SHLD2: variants seen among roughly 807,000 people sequenced by gnomAD.
SHLD2 encodes the protein shieldin complex subunit 2, also known as RINN1-REV7-interacting novel NHEJ regulator 2.
Under a neutral mutation model 73.2 loss-of-function variants are expected in SHLD2, and 30 were observed. That is an observed-to-expected ratio of 0.41 (90% CI 0.31 to 0.56). The LOEUF (loss-of-function observed/expected upper bound fraction) is 0.56, where lower values mean the gene tolerates loss of function less well. Ranked by LOEUF, SHLD2 falls within the 20% of genes least tolerant of loss-of-function variation. The probability of loss-of-function intolerance (pLI) is 0.28; values close to 1 mark genes in which losing one functional copy is unlikely to be tolerated. For synonymous variants in SHLD2, 285 were observed against 370.1 expected (o/e 0.77, Z 2.64); for missense variants, 745 against 1,055.9 (o/e 0.71, Z 4.08).
intron 8 of SHLD2, among the ~76,000 whole-genome samples, chr10:87,181,218 C>CAA (rs1240727171): frequency 1.4e-3 from 152 of 108,268 alleles, no homozygotes; most frequent in Middle Eastern, 4.6e-3. Flanking sequence ...CCATCTCTAC[C>CAA]AAAAAAAAAA....
At chr10:87,176,265 G>A (rs1022497950) in intron 7 of SHLD2, among the ~76,000 whole-genome samples, 170 bp downstream of exon 7, 2 of 152,216 alleles carry the variant, frequency 1.3e-5, no homozygotes, top group African/African-American at 2.4e-5. Context: ...CAGGAGGGAA[G>A]GGAAGGCTAG....
upstream of SHLD2, chr10:87,095,127 G>A (rs951560408): frequency 7.0e-6 from 1 of 142,886 alleles, no homozygotes; most frequent in Non-Finnish European, 1.5e-5. Flanking sequence ...GGAGGAGAGT[G>A]GAGGGGAACG....
chr10:87,174,780 G>A (rs751016821), intron 6 of SHLD2, among the ~76,000 whole-genome samples: 1 of 152,164 alleles, frequency 6.6e-6, no homozygotes, highest in Non-Finnish European at 1.5e-5. Flanking sequence ...TTTACTAATA[G>A]AGAATATAAC....
intron 2 of SHLD2, among the ~76,000 whole-genome samples, chr10:87,149,678 C>G (rs979119165): frequency 5.9e-5 from 9 of 152,020 alleles, no homozygotes; most frequent in African/African-American, 2.2e-4. Context: ...GAGCTGAGAT[C>G]ACGTCATTGC....
In SHLD2 at chr10:87,123,672, TCCCA is replaced by T. The variant is rs1843784236; in HGVS notation, c.-6+26684_-6+26687del. ...ACCAAATCTTATGTTGAATTGTAAT[TCCCA>T]GTGTTTGAGGTGGGGTCTGTTGAGA... On this transcript the variant is annotated intron_variant, in intron 2 of 9. Transcript: ENST00000298786. Among the ~76,000 whole-genome samples the T allele has an allele frequency of 2.0e-5, 3 of 152,334 alleles. No homozygotes were observed. In the South Asian group the frequency reaches 6.2e-4, roughly 32 times the overall value.
At chr10:87,095,446 C>G (rs1320150415) in intron 1 of SHLD2, among the ~76,000 whole-genome samples, 198 bp downstream of exon 1, 1 of 152,076 alleles carries the variant, frequency 6.6e-6, no homozygotes, top group Non-Finnish European at 1.5e-5. Flanking sequence ...TCGGAACGGG[C>G]GGCCCACCCT....
At chr10:87,123,030 G>T (rs71207508) in intron 2 of SHLD2, among the ~76,000 whole-genome samples, 24,429 of 152,102 alleles carry the variant, frequency 0.16, 2,066 homozygotes, top group African/African-American at 0.19. Context: ...ACCCGCCTTG[G>T]CCTCCCAAAG....
Position 87,187,131 on chromosome 10 carries a change from C to T in SHLD2, c.2446C>T (p.Arg816Cys), listed in dbSNP as rs370213577. The change falls in exon 9 of 10, where the codon CGT becomes TGT. Residue 816 changes from arginine (R) to cysteine (C), a missense_variant. Arg to Cys is a radical substitution (Grantham distance 180). Transcript: ENST00000298786. The stretch of plus-strand genomic sequence containing the variant: ...TGATGGAAGACATGATGTTTGTATC[C>T]GTGTAGAATCAAAGCTGATAGAGAA... ...AIDGRHDVCI[R>C]VESKLIEKIL... is the part of the protein sequence containing the mutation. The T allele has an allele frequency of 1.2e-5, 20 of 1,613,362 alleles. No individual in the cohort carries two copies. The highest frequency in any genetic ancestry group is 3.3e-5 in the Admixed American group (2 of 59,990).
chr10:87,156,953 G>T (rs1846474794), intron 3 of SHLD2, among the ~76,000 whole-genome samples: 1 of 152,156 alleles, frequency 6.6e-6, no homozygotes. Flanking sequence ...ACAAGCACCT[G>T]TTGGGAGGGA....
At chr10:87,147,551 G>T (rs1371969117) in intron 2 of SHLD2, among the ~76,000 whole-genome samples, 2 of 151,890 alleles carry the variant, frequency 1.3e-5, no homozygotes, top group Non-Finnish European at 2.9e-5. Flanking sequence ...ATTAAGTGAG[G>T]ACACAGAAGC....
chr10:87,106,229 T>G (rs1842585583), intron 2 of SHLD2, among the ~76,000 whole-genome samples: 1 of 152,200 alleles, frequency 6.6e-6, no homozygotes, highest in Non-Finnish European at 1.5e-5. Context: ...GGTCTTGAAC[T>G]CCTGATCTCA....
At chr10:87,181,769 C>CT (rs1049812070) in intron 8 of SHLD2, among the ~76,000 whole-genome samples, 62 of 148,918 alleles carry the variant, frequency 4.2e-4, no homozygotes, top group African/African-American at 6.4e-4. Context: ...ATTTACAAGC[C>CT]TTTTTTTTTT....
chr10:87,170,400 A>G (rs1293812173), intron 4 of SHLD2, 78 bp from the exon 5 acceptor site: 36 of 1,000,748 alleles, frequency 3.6e-5, no homozygotes, highest in Non-Finnish European at 3.5e-5. Context: ...CATAAAATAC[A>G]GTTCTAAAAA....
At chr10:87,130,956 AC>A (rs1383723015) in intron 2 of SHLD2, among the ~76,000 whole-genome samples, 1 of 152,048 alleles carries the variant, frequency 6.6e-6, no homozygotes, top group African/African-American at 2.4e-5. Flanking sequence ...GGTCCCAGCT[AC>A]TTGGGAGTTT....
intron 2 of SHLD2, among the ~76,000 whole-genome samples, chr10:87,122,487 G>T (rs550473127): frequency 6.6e-6 from 1 of 152,112 alleles, no homozygotes; most frequent in East Asian, 1.9e-4. Context: ...GTTTCTGTCT[G>T]TAGTGATAAG....
intron 2 of SHLD2, among the ~76,000 whole-genome samples, chr10:87,123,387 C>T (rs1843760742): frequency 1.3e-5 from 2 of 151,744 alleles, no homozygotes; most frequent in African/African-American, 4.8e-5. Flanking sequence ...CTGCAACCTT[C>T]ACCTCCCAGG....
At chr10:87,180,378 A>T in intron 8 of SHLD2, 75 bp downstream of exon 8, 2 of 1,545,718 alleles carry the variant, frequency 1.3e-6, no homozygotes, top group Non-Finnish European at 1.8e-6. Flanking sequence ...GTAAACCCTT[A>T]CTTTCTAAAA....
chr10:87,109,416 A>T (rs941878866), intron 2 of SHLD2, among the ~76,000 whole-genome samples: 3 of 150,856 alleles, frequency 2.0e-5, no homozygotes, highest in Non-Finnish European at 2.9e-5. Flanking sequence ...CTCCTGCCTC[A>T]GCCTCCCGAG....
intron 9 of SHLD2, among the ~76,000 whole-genome samples, chr10:87,188,306 G>C (rs1273428709): frequency 1.3e-5 from 2 of 152,152 alleles, no homozygotes; most frequent in Non-Finnish European, 2.9e-5. Flanking sequence ...TAATGGTCTT[G>C]ACCCAGGGTG....
Sources: allele counts gnomAD v4.1 joint callset (sites outside exome capture counted in the v4.1 genomes callset), GRCh38; gene constraint gnomAD v4.1.1; transcripts MANE v1.5; gene names NCBI Gene and HGNC (gene_info 2026-07-23, HGNC 2026-07-21).